PTPRC: variants seen among roughly 807,000 people sequenced by gnomAD.
The protein encoded by PTPRC is receptor-type tyrosine-protein phosphatase C.
Under a neutral mutation model 155.9 loss-of-function variants are expected in PTPRC, and 44 were observed. The ratio of observed to expected loss-of-function variants is 0.28; its 90% CI spans 0.22 to 0.36. The LOEUF is 0.36. PTPRC is among the 10% of genes least tolerant of loss of function. The pLI is 1.00. For synonymous variants in PTPRC, 525 were observed against 533.1 expected (o/e 0.98, Z 0.21); for missense variants, 1,401 against 1,564.6 (o/e 0.90, Z 1.76).
chr1:198,671,830 G>C (rs768376546), intron 2 of PTPRC, among the ~76,000 whole-genome samples: 1 of 152,070 alleles, frequency 6.6e-6, no homozygotes, highest in Non-Finnish European at 1.5e-5. Flanking sequence ...GACTGACAAA[G>C]AACATGCTAG....
At chr1:198,717,079 G>T (rs1366997751) in intron 13 of PTPRC, among the ~76,000 whole-genome samples, 1 of 152,116 alleles carries the variant, frequency 6.6e-6, no homozygotes, top group Non-Finnish European at 1.5e-5. Flanking sequence ...ATCTTAATTG[G>T]CATCAGTTTG....
chr1:198,677,902 G>A (rs147699810), intron 2 of PTPRC, among the ~76,000 whole-genome samples: 44 of 152,164 alleles, frequency 2.9e-4, no homozygotes, highest in Non-Finnish European at 5.7e-4. Context: ...AGGTCATTCC[G>A]AGGAGAATAT....
At chr1:198,680,181 A>T (rs1665232574) in intron 2 of PTPRC, 2 of 378,098 alleles carry the variant, frequency 5.3e-6, no homozygotes, top group African/African-American at 4.2e-5. Flanking sequence ...TAAAGGCTTC[A>T]CAAACTGTCT....
intron 15 of PTPRC, among the ~76,000 whole-genome samples, chr1:198,724,045 T>C (rs903743434): frequency 1.3e-5 from 2 of 152,122 alleles, no homozygotes; most frequent in Non-Finnish European, 2.9e-5. Context: ...AGTTTAGCAA[T>C]CAAGGGTCAT....
rs1655739785 is a variant in PTPRC, at chr1:198,757,433, A to C, written c.*1252A>C. On this transcript the variant is annotated 3_prime_UTR_variant, in exon 33 of 33. Transcript: ENST00000442510. ...AAGATCTAGAAAAAAAAAATCAAGA[A>C]TAGTGGTATTTTTCATGAAGTAATA... The C allele has an allele frequency of 6.6e-6, 1 of 151,864 alleles. No homozygotes were observed. Among genetic ancestry groups the C allele is most frequent in the Admixed American group, 6.6e-5 (1 of 15,228 alleles). The allele number at this position is 151,864 out of a possible 1,614,324, so 9.4% of individuals were successfully genotyped here. A position where few individuals can be genotyped will look rare whatever the true frequency, so the allele number is the denominator to read the frequency against.
chr1:198,643,819 T>C (rs912483954), intron 2 of PTPRC, among the ~76,000 whole-genome samples: 7 of 151,896 alleles, frequency 4.6e-5, no homozygotes, highest in African/African-American at 1.5e-4. Context: ...GTCATGGCAA[T>C]TGCTGGTTTG....
chr1:198,694,233 C>A, intron 3 of PTPRC: 1 of 1,309,122 alleles, frequency 7.6e-7, no homozygotes, highest in Middle Eastern at 2.8e-4. Context: ...GACCAGAAGA[C>A]TCAGCAAGCT....
At chr1:198,694,974 A>G in intron 3 of PTPRC, 1 of 980,558 alleles carries the variant, frequency 1.0e-6, no homozygotes, top group Non-Finnish European at 1.2e-6. Context: ...TTTGGTTATG[A>G]AAATCTAGAG....
At chr1:198,666,527 A>G (rs1454540665) in intron 2 of PTPRC, among the ~76,000 whole-genome samples, 1 of 152,212 alleles carries the variant, frequency 6.6e-6, no homozygotes, top group Non-Finnish European at 1.5e-5. Flanking sequence ...TGTAAAAATA[A>G]AGGGTCTGTT....
intron 14 of PTPRC, among the ~76,000 whole-genome samples, chr1:198,720,488 C>T (rs1653836066): frequency 6.6e-6 from 1 of 152,040 alleles, no homozygotes; most frequent in East Asian, 1.9e-4. Context: ...CACCACCATG[C>T]CTGGCTAATT....
intron 2 of PTPRC, among the ~76,000 whole-genome samples, chr1:198,648,094 T>C (rs1356154688): frequency 6.6e-6 from 1 of 151,964 alleles, no homozygotes; most frequent in African/African-American, 2.4e-5. Flanking sequence ...CAACCAGATT[T>C]TCTTTGCAGA....
In PTPRC at chr1:198,748,093, T is replaced by A; in HGVS notation, c.2848-16T>A. The A allele has an allele frequency of 6.4e-7, 1 of 1,552,494 alleles. No homozygotes were observed. Among genetic ancestry groups the A allele is most frequent in the East Asian group, 2.3e-5 (1 of 42,664 alleles). ...ACATTTTAAAGGAGTTTTTCTGTTT[T>A]TTTTTTTTTTTTCAGAGACTTCCTT... On this transcript the variant is annotated splice_polypyrimidine_tract_variant and intron_variant, in intron 26 of 32. Transcript: ENST00000442510.
chr1:198,743,459 G>A (rs188239910), intron 25 of PTPRC, among the ~76,000 whole-genome samples: 7 of 151,900 alleles, frequency 4.6e-5, no homozygotes, highest in Admixed American at 6.6e-5. Flanking sequence ...CCAAACTCAG[G>A]GAACTAAAGG....
At chr1:198,639,430 T>A in intron 2 of PTPRC, 89 bp downstream of exon 2, 1 of 1,078,230 alleles carries the variant, frequency 9.3e-7, no homozygotes, top group South Asian at 1.4e-5. Flanking sequence ...TTAAATGTGT[T>A]GGTAACTGGA....
At chr1:198,672,626 T>C (rs1051725188) in intron 2 of PTPRC, among the ~76,000 whole-genome samples, 4 of 149,264 alleles carry the variant, frequency 2.7e-5, no homozygotes, top group Non-Finnish European at 5.9e-5. Context: ...CACGCCACCA[T>C]GCCCAGCTAT....
At chr1:198,680,228 C>A (rs1194298911) in intron 2 of PTPRC, among the ~76,000 whole-genome samples, 1 of 152,122 alleles carries the variant, frequency 6.6e-6, no homozygotes, top group Non-Finnish European at 1.5e-5. Flanking sequence ...CCGAGGCAGG[C>A]GGATTACCTA....
At chr1:198,676,399 T>C (rs1488873682) in intron 2 of PTPRC, among the ~76,000 whole-genome samples, 1 of 152,212 alleles carries the variant, frequency 6.6e-6, no homozygotes, top group African/African-American at 2.4e-5. Context: ...ATTGTTAAAC[T>C]TAAGAAACAG....
At chr1:198,682,510 G>A (rs1665390496) in intron 2 of PTPRC, among the ~76,000 whole-genome samples, 1 of 152,144 alleles carries the variant, frequency 6.6e-6, no homozygotes, top group African/African-American at 2.4e-5. Context: ...GGTTGGTGCT[G>A]TAAACACGTT....
chr1:198,689,063 T>A (rs1167294420), intron 2 of PTPRC, among the ~76,000 whole-genome samples: 4 of 152,186 alleles, frequency 2.6e-5, no homozygotes, highest in African/African-American at 9.6e-5. Flanking sequence ...CAATAAAATA[T>A]TATTTCTAAA....
Sources: gnomAD v4.1 joint callset for allele counts (sites outside exome capture counted in the v4.1 genomes callset) on GRCh38, gnomAD v4.1.1 for gene constraint, MANE v1.5 for transcripts, NCBI Gene and HGNC (gene_info 2026-07-23, HGNC 2026-07-21) for gene names.